LMNTD1: variants seen among roughly 807,000 people sequenced by gnomAD.
LMNTD1 encodes lamin tail domain-containing protein 1.
In LMNTD1, 35 loss-of-function variants were observed where a neutral mutation model predicts 50.9. The observed-to-expected ratio is 0.69, with a 90% CI of 0.53 to 0.91. The LOEUF is 0.91. Among genes scored for constraint, LMNTD1 ranks in the 40% least tolerant of loss-of-function variants. The pLI, the probability that LMNTD1 is intolerant of heterozygous loss-of-function variation, is 0.00. For missense variants in LMNTD1, 470 were observed against 475.5 expected (o/e 0.99, Z 0.11); for synonymous variants, 153 against 161.9 (o/e 0.94, Z 0.42).
intron 1 of LMNTD1, among the ~76,000 whole-genome samples, chr12:25,614,060 G>T (rs1027096164): frequency 3.3e-5 from 5 of 151,754 alleles, no homozygotes; most frequent in African/African-American, 1.2e-4. Flanking sequence ...AATGTCAATT[G>T]CTGCTGGTGG....
intron 1 of LMNTD1, among the ~76,000 whole-genome samples, chr12:25,619,524 C>G (rs1377747508): frequency 6.6e-6 from 1 of 152,160 alleles, no homozygotes; most frequent in Non-Finnish European, 1.5e-5. Flanking sequence ...GGCCTGGGCC[C>G]TCTTTTCTTG....
rs150345387 is a variant in LMNTD1 at position 25,483,226 on chromosome 12, A to T, written c.*23-6766T>A. 1.7e-3 allele frequency among the ~76,000 whole-genome samples: 255 copies of T among 151,282 alleles called. 2 individuals are homozygous for T. The East Asian group carries it at 0.025, about 15-fold the overall frequency. ...CACTGCCTGAACTCAGAAGTTGGAG[A>T]CCAGCCTTGGCAACATGGCAAAACC... On this transcript the variant is annotated intron_variant, in intron 9 of 9. Coordinates refer to ENST00000458174, the MANE Select transcript of LMNTD1 (RefSeq NM_001145728.2).
chr12:25,544,971 T>C (rs902333954), intron 4 of LMNTD1, among the ~76,000 whole-genome samples: 2 of 151,870 alleles, frequency 1.3e-5, no homozygotes, highest in Non-Finnish European at 2.9e-5. Context: ...TTTGATAGAT[T>C]TGTCTTTTGG....
intron 4 of LMNTD1, among the ~76,000 whole-genome samples, chr12:25,536,577 C>T (rs1942589138): frequency 6.6e-6 from 1 of 152,048 alleles, no homozygotes; most frequent in Non-Finnish European, 1.5e-5. Context: ...TGTGGGATGC[C>T]ACTAAGCTGT....
intron 1 of LMNTD1, among the ~76,000 whole-genome samples, chr12:25,572,344 G>A (rs893294325): frequency 2.0e-5 from 3 of 152,140 alleles, no homozygotes; most frequent in Admixed American, 1.3e-4. Context: ...TTTATTTGAT[G>A]CAAATGGCTA....
At chr12:25,493,119 T>G (rs1348089060) in intron 9 of LMNTD1, among the ~76,000 whole-genome samples, 1 of 152,222 alleles carries the variant, frequency 6.6e-6, no homozygotes, top group East Asian at 1.9e-4. Context: ...TTGGTTTTGT[T>G]GTAGTACTTC....
chr12:25,591,333 A>C (rs1945689300), intron 1 of LMNTD1, among the ~76,000 whole-genome samples: 1 of 152,104 alleles, frequency 6.6e-6, no homozygotes. Flanking sequence ...AGCATTCACC[A>C]CAAGGTGGCT....
intron 1 of LMNTD1, among the ~76,000 whole-genome samples, chr12:25,572,887 G>T (rs1320648766): frequency 7.1e-6 from 1 of 140,172 alleles, no homozygotes; most frequent in African/African-American, 2.6e-5. Flanking sequence ...CTGCTCACTC[G>T]CATTTCCCAT....
intron 1 of LMNTD1, among the ~76,000 whole-genome samples, chr12:25,568,157 G>A (rs1336534391): frequency 1.3e-5 from 2 of 152,180 alleles, no homozygotes; most frequent in Non-Finnish European, 2.9e-5. Flanking sequence ...CTGGAGCAAA[G>A]GTCACCTTTG....
At chr12:25,500,639 C>T (rs1156809331) in intron 9 of LMNTD1, among the ~76,000 whole-genome samples, 1 of 152,118 alleles carries the variant, frequency 6.6e-6, no homozygotes, top group African/African-American at 2.4e-5. Flanking sequence ...CCATTTGTTC[C>T]CCTGCTCTTT....
chr12:25,532,105 G>A (rs1190120543), intron 4 of LMNTD1, among the ~76,000 whole-genome samples: 1 of 151,942 alleles, frequency 6.6e-6, no homozygotes, highest in Admixed American at 6.6e-5. Context: ...CCTGTTCCTG[G>A]TGTCCACTTT....
At chr12:25,575,752 A>G (rs1944985496) in intron 1 of LMNTD1, among the ~76,000 whole-genome samples, 1 of 152,020 alleles carries the variant, frequency 6.6e-6, no homozygotes, top group South Asian at 2.1e-4. Context: ...GGTTTGTTAC[A>G]TAGGTATACA....
chr12:25,504,964 T>C (rs777531985), intron 8 of LMNTD1, among the ~76,000 whole-genome samples: 1 of 152,234 alleles, frequency 6.6e-6, no homozygotes, highest in Non-Finnish European at 1.5e-5. Context: ...TGGCATGAAA[T>C]AGACCTTGTA....
chr12:25,620,277 T>G (rs1366012070), intron 1 of LMNTD1, among the ~76,000 whole-genome samples: 1 of 152,196 alleles, frequency 6.6e-6, no homozygotes, highest in African/African-American at 2.4e-5. Context: ...TTTTTTAATG[T>G]TAACGGAACT....
intron 1 of LMNTD1, among the ~76,000 whole-genome samples, chr12:25,640,123 A>G (rs7311602): frequency 0.62 from 94,138 of 152,046 alleles, 29,558 homozygotes; most frequent in Non-Finnish European, 0.68. Context: ...AGAGATTAGT[A>G]ATTGCCTCAA....
chr12:25,555,019 C>T (rs1013677108), upstream of LMNTD1, among the ~76,000 whole-genome samples: 7 of 149,994 alleles, frequency 4.7e-5, no homozygotes, highest in South Asian at 2.1e-4. Flanking sequence ...GAGCTGAGAT[C>T]GTGCCACTGC....
intron 1 of LMNTD1, chr12:25,593,070 C>G (rs1391086310): frequency 6.7e-6 from 1 of 148,828 alleles, no homozygotes; most frequent in Non-Finnish European, 1.5e-5. Flanking sequence ...CAGTAAGACC[C>G]GCCCAAGAAG....
rs1444132415 is a variant in LMNTD1 at position 25,553,175 on chromosome 12, A to G, written c.-137T>C. The G allele has an allele frequency of 6.2e-7, 1 of 1,600,908 alleles. No homozygotes were observed. Among genetic ancestry groups the G allele is most frequent in the Non-Finnish European group, 8.5e-7 (1 of 1,175,444 alleles). On this transcript the variant is annotated 5_prime_UTR_variant, in exon 1 of 10. Coordinates refer to ENST00000458174, the MANE Select transcript of LMNTD1 (RefSeq NM_001145728.2). ...AGGATATGTAAGTACCAACATAGCCAATCCTGATCTTGGCTAAGGATGTCG... is the reference window on the plus strand; with the variant it reads ...AGGATATGTAAGTACCAACATAGCCGATCCTGATCTTGGCTAAGGATGTCG...
At chr12:25,626,474 G>A (rs552764222) in intron 1 of LMNTD1, among the ~76,000 whole-genome samples, 32 of 152,036 alleles carry the variant, frequency 2.1e-4, no homozygotes, top group Non-Finnish European at 4.0e-4. Context: ...ATTATAAATA[G>A]TAACTATAAC....
Sources: allele counts gnomAD v4.1 joint callset (sites outside exome capture counted in the v4.1 genomes callset), GRCh38; gene constraint gnomAD v4.1.1; transcripts MANE v1.5; gene names NCBI Gene and HGNC (gene_info 2026-07-23, HGNC 2026-07-21).